Variants in SEC22A observed in about 807,000 individuals in gnomAD.
SEC22A encodes vesicle-trafficking protein SEC22a.
A neutral mutation model predicts 35.3 loss-of-function variants in SEC22A; 22 were observed. The observed-to-expected ratio is 0.62, with a 90% CI of 0.45 to 0.89. The LOEUF (loss-of-function observed/expected upper bound fraction) is 0.89, where lower values mean the gene tolerates loss of function less well. SEC22A is among the 40% of genes least tolerant of loss of function. The pLI is 0.00. For synonymous variants in SEC22A, 119 were observed against 129.5 expected, an observed-to-expected ratio of 0.92 and a Z score of 0.55; for missense variants, 354 against 362.5, an observed-to-expected ratio of 0.98 and a Z score of 0.19.
At chr3:123,231,611 AC>A (rs1422036592) in intron 4 of SEC22A, among the ~76,000 whole-genome samples, 1 of 152,192 alleles carries the variant, frequency 6.6e-6, no homozygotes, top group Non-Finnish European at 1.5e-5. Context: ...GGAAATGCGT[AC>A]TTTGAGATGA....
At chr3:123,252,806 C>T (rs1275886540) in intron 5 of SEC22A, among the ~76,000 whole-genome samples, 1 of 152,152 alleles carries the variant, frequency 6.6e-6, no homozygotes, top group African/African-American at 2.4e-5. Context: ...ATACGTAGCA[C>T]TGAAGTTTTT....
At chr3:123,249,793 G>A (rs2108082879) in intron 5 of SEC22A, among the ~76,000 whole-genome samples, 1 of 152,144 alleles carries the variant, frequency 6.6e-6, no homozygotes, top group African/African-American at 2.4e-5. Context: ...CAAAGTGCTG[G>A]GATTACAGGT....
At chr3:123,251,031 AAGAC>A (rs780692108) in intron 5 of SEC22A, among the ~76,000 whole-genome samples, 1 of 151,944 alleles carries the variant, frequency 6.6e-6, no homozygotes, top group South Asian at 2.1e-4. Context: ...AGCAGAAAGA[AAGAC>A]AACTTTTGTT....
chr3:123,214,765 A>G (rs920756624), intron 2 of SEC22A, among the ~76,000 whole-genome samples: 1 of 152,238 alleles, frequency 6.6e-6, no homozygotes, highest in Non-Finnish European at 1.5e-5. Context: ...CTTTATTTAA[A>G]CAGTAAGATG....
intron 6 of SEC22A, among the ~76,000 whole-genome samples, chr3:123,269,178 T>C (rs1054468378): frequency 1.4e-4 from 13 of 95,370 alleles, no homozygotes; most frequent in African/African-American, 5.6e-4. Flanking sequence ...GAATTAAATA[T>C]ATGTGTGTGT....
At chr3:123,226,963 A>G (rs1004005848) in intron 4 of SEC22A, among the ~76,000 whole-genome samples, 3 of 152,174 alleles carry the variant, frequency 2.0e-5, no homozygotes, top group South Asian at 2.1e-4. Context: ...TTTGTACTGC[A>G]TATTTATAGG....
At chr3:123,238,250 G>A (rs1169071630) in intron 4 of SEC22A, among the ~76,000 whole-genome samples, 2 of 152,270 alleles carry the variant, frequency 1.3e-5, no homozygotes, top group East Asian at 3.9e-4. Context: ...GCAGGCTTGA[G>A]TGCAGTGGCG....
intron 4 of SEC22A, among the ~76,000 whole-genome samples, chr3:123,243,109 A>C (rs977310932): frequency 6.6e-6 from 1 of 152,128 alleles, no homozygotes; most frequent in African/African-American, 2.4e-5. Flanking sequence ...CTTTGAGCCA[A>C]ACCAAACCAC....
intron 6 of SEC22A, among the ~76,000 whole-genome samples, chr3:123,261,464 A>G (rs922573395): frequency 6.6e-6 from 1 of 152,182 alleles, no homozygotes; most frequent in Non-Finnish European, 1.5e-5. Context: ...TCTGTCTACT[A>G]TATCATGCTG....
Position 123,223,628 on chromosome 3 carries a change from C to A in SEC22A, c.252C>A (p.Phe84Leu). Residue 84 changes from phenylalanine (F) to leucine (L), a missense_variant, in exon 3 of 7, where the codon TTC becomes TTA. Coordinates refer to ENST00000492595, the MANE Select transcript of SEC22A (RefSeq NM_012430.5). ...AAAATTACCCAAATGTTCTCGCCTTCTCTTTCCTGGATGAGCTTCAGAAGG... is the reference window on the plus strand; with the variant it reads ...AAAATTACCCAAATGTTCTCGCCTTATCTTTCCTGGATGAGCTTCAGAAGG... ...CTENYPNVLA[F>L]SFLDELQKEF... 3.7e-6 allele frequency: 6 copies of A among 1,613,552 alleles called. No homozygotes were observed. The highest frequency in any genetic ancestry group is 5.1e-6 in the Non-Finnish European group (6 of 1,179,558).
chr3:123,257,732 T>A (rs1477251827), intron 5 of SEC22A, among the ~76,000 whole-genome samples: 1 of 151,972 alleles, frequency 6.6e-6, no homozygotes, highest in African/African-American at 2.4e-5. Context: ...GGCTCACGCC[T>A]GTAATCCCAG....
At chr3:123,242,230 G>A (rs984623088) in intron 4 of SEC22A, among the ~76,000 whole-genome samples, 15 of 144,916 alleles carry the variant, frequency 1.0e-4, no homozygotes, top group African/African-American at 7.6e-5. Context: ...TGCAGACCTC[G>A]TCTGCTTCTC....
intron 4 of SEC22A, among the ~76,000 whole-genome samples, chr3:123,241,116 T>C (rs1450232471): frequency 6.6e-6 from 1 of 152,048 alleles, no homozygotes; most frequent in Non-Finnish European, 1.5e-5. Flanking sequence ...GTGGAGGCAT[T>C]TTTTAGAAAT....
At chr3:123,263,458 A>C (rs888072985) in intron 6 of SEC22A, among the ~76,000 whole-genome samples, 2 of 152,208 alleles carry the variant, frequency 1.3e-5, no homozygotes, top group Non-Finnish European at 2.9e-5. Flanking sequence ...CCAGCTCCTA[A>C]TACCATCACA....
intron 1 of SEC22A, among the ~76,000 whole-genome samples, chr3:123,207,881 C>T (rs1192967529): frequency 6.6e-6 from 1 of 152,092 alleles, no homozygotes; most frequent in Non-Finnish European, 1.5e-5. Flanking sequence ...AGATTGAGAA[C>T]AACATTAAAA....
intron 5 of SEC22A, among the ~76,000 whole-genome samples, chr3:123,257,430 C>G (rs1559763010): frequency 6.6e-6 from 1 of 152,182 alleles, no homozygotes; most frequent in Non-Finnish European, 1.5e-5. Flanking sequence ...GGCACGGTGG[C>G]TCACGCCTGT....
intron 1 of SEC22A, among the ~76,000 whole-genome samples, chr3:123,206,257 C>CTGATTTT (rs1213218379): frequency 6.6e-6 from 1 of 152,088 alleles, no homozygotes; most frequent in Non-Finnish European, 1.5e-5. Flanking sequence ...CCATGCCCAG[C>CTGATTTT]TGATTTTTAA....
intron 5 of SEC22A, among the ~76,000 whole-genome samples, chr3:123,253,513 A>T (rs994643139): frequency 6.6e-6 from 1 of 152,090 alleles, no homozygotes; most frequent in African/African-American, 2.4e-5. Flanking sequence ...GGAGTTCAAG[A>T]CCAGCCTGGC....
In SEC22A at chr3:123,218,374, A is replaced by G. The variant is rs1327846046; in HGVS notation, c.183-5185A>G. 5.3e-5 allele frequency among the ~76,000 whole-genome samples: 8 copies of G among 152,362 alleles called. No individual in the cohort carries two copies. The South Asian group carries it at 1.2e-3, about 24-fold the overall frequency. ...CAGAAATGGAATGGAGCTAAACAAT[A>G]TAAAGGAAATTAGAGCAAAGTAGGA... is the stretch of plus-strand genomic sequence containing the variant. On this transcript the variant is annotated intron_variant, in intron 2 of 6. Transcript: ENST00000492595.
Sources: gnomAD v4.1 joint callset for allele counts (sites outside exome capture counted in the v4.1 genomes callset) on GRCh38, gnomAD v4.1.1 for gene constraint, MANE v1.5 for transcripts, NCBI Gene and HGNC (gene_info 2026-07-23, HGNC 2026-07-21) for gene names.